INO80: variants seen among roughly 807,000 people sequenced by gnomAD.
INO80 encodes the protein INO80 complex ATPase subunit.
Under a neutral mutation model 203.4 loss-of-function variants are expected in INO80, and 20 were observed. That is an observed-to-expected ratio of 0.10 (90% CI 0.07 to 0.14). The LOEUF (loss-of-function observed/expected upper bound fraction) is 0.14. Among genes scored for constraint, INO80 ranks in the 10% least tolerant of loss-of-function variants. INO80 has a pLI of 1.00. For missense variants in INO80, 1,419 were observed against 1,914.4 expected (o/e 0.74, Z 4.83); for synonymous variants, 726 against 685.2 (o/e 1.06, Z -0.93).
At chr15:40,982,083 T>A in intron 35 of INO80, among the ~76,000 whole-genome samples, 1 of 152,234 alleles carries the variant, frequency 6.6e-6, no homozygotes, top group East Asian at 1.9e-4. Context: ...GAGTACTGCA[T>A]GCATGGCTTC....
chr15:41,115,391 C>A (rs1378649935), intron 1 of INO80, among the ~76,000 whole-genome samples: 1 of 152,174 alleles, frequency 6.6e-6, no homozygotes, highest in African/African-American at 2.4e-5. Flanking sequence ...TATGTAAAAA[C>A]CTAAAAAACC....
intron 1 of INO80, among the ~76,000 whole-genome samples, chr15:41,108,248 T>C (rs1463234403): frequency 1.3e-5 from 2 of 151,882 alleles, no homozygotes; most frequent in Admixed American, 1.3e-4. Context: ...GGAAACAGCA[T>C]GGTAAGAAAG....
intron 15 of INO80, 91 bp from the exon 16 acceptor site, chr15:41,058,872 G>T: frequency 1.7e-6 from 2 of 1,201,020 alleles, no homozygotes; most frequent in Non-Finnish European, 2.4e-6. Flanking sequence ...GGGCCAAAAT[G>T]TTTAAGACAG....
At chr15:41,090,293 G>C (rs1414116114) in intron 5 of INO80, among the ~76,000 whole-genome samples, 1 of 152,034 alleles carries the variant, frequency 6.6e-6, no homozygotes, top group Non-Finnish European at 1.5e-5. Context: ...AGAGCAGATT[G>C]GGCTGGGGAT....
intron 24 of INO80, among the ~76,000 whole-genome samples, chr15:41,034,360 G>A (rs1482083040): frequency 6.6e-6 from 1 of 152,102 alleles, no homozygotes; most frequent in Non-Finnish European, 1.5e-5. Flanking sequence ...AGAAGGGGAG[G>A]ACTGGGTTAG....
rs2045370892 is a variant in INO80, at chr15:41,074,419, T to C, written c.1278A>G (p.Gln426=). ...CTACCACTCCTCCACCTATATCGAT[T>C]TGTCTCTGGGTAGAACTGTCTTCCA... ...RKLEDSSTQR[Q]IDIGGGVVVN... is the part of the protein sequence containing the mutation. Residue 426 remains glutamine (Q), a synonymous_variant, in exon 10 of 36, where the codon CAA becomes CAG. Coordinates refer to ENST00000648947, the MANE Select transcript of INO80 (RefSeq NM_017553.3). The C allele has an allele frequency of 1.9e-6, 3 of 1,613,834 alleles. No homozygotes were observed. The highest frequency in any genetic ancestry group is 1.7e-5 in the Admixed American group (1 of 59,980).
intron 24 of INO80, among the ~76,000 whole-genome samples, chr15:41,031,490 AG>A: frequency 1.1e-5 from 1 of 94,488 alleles, no homozygotes; most frequent in Non-Finnish European, 2.1e-5. Context: ...GGAGAGAGGG[AG>A]GGGAGGAAGG....
intron 7 of INO80, 152 bp from the exon 8 acceptor site, chr15:41,081,225 C>T: frequency 3.5e-6 from 2 of 576,758 alleles, no homozygotes; most frequent in Non-Finnish European, 6.1e-6. Context: ...GATGTATTGT[C>T]TCAACGCCAT....
intron 9 of INO80, among the ~76,000 whole-genome samples, chr15:41,075,461 C>T (rs934965750): frequency 1.3e-5 from 2 of 150,748 alleles, no homozygotes; most frequent in Admixed American, 6.6e-5. Flanking sequence ...TTTTTGGCGG[C>T]GGGGGAGGCG....
At chr15:41,030,867 T>G (rs912795303) in intron 24 of INO80, among the ~76,000 whole-genome samples, 1 of 151,774 alleles carries the variant, frequency 6.6e-6, no homozygotes, top group African/African-American at 2.4e-5. Context: ...AGATGGGGTT[T>G]CACCATATTG....
intron 25 of INO80, among the ~76,000 whole-genome samples, chr15:41,027,285 G>A (rs1035598887): frequency 2.6e-5 from 4 of 152,050 alleles, no homozygotes; most frequent in South Asian, 2.1e-4. Context: ...CCCTCGCCCC[G>A]ACCCTGCTAT....
intron 19 of INO80, among the ~76,000 whole-genome samples, chr15:41,052,366 T>C (rs1305812832): frequency 1.3e-5 from 2 of 152,014 alleles, no homozygotes; most frequent in Admixed American, 6.6e-5. Flanking sequence ...TTGAAGAGGA[T>C]ATATATACAA....
intron 14 of INO80, among the ~76,000 whole-genome samples, chr15:41,066,846 C>CAAAAAAAAA (rs58118605): frequency 1.4e-5 from 1 of 70,620 alleles, no homozygotes; most frequent in Admixed American, 1.6e-4. Flanking sequence ...AAAAAAAAAG[C>CAAAAAAAAA]AAAAAAAAAA....
chr15:41,066,846 C>CAAAAAAAAAAAAAAAAAAAAAAAAAAAAA (rs58118605), intron 14 of INO80, among the ~76,000 whole-genome samples: 1 of 70,622 alleles, frequency 1.4e-5, no homozygotes, highest in African/African-American at 4.2e-5. Context: ...AAAAAAAAAG[C>CAAAAAAAAAAAAAAAAAAAAAAAAAAAAA]AAAAAAAAAA....
chr15:41,095,541 C>G, intron 4 of INO80, 60 bp downstream of exon 4: 2 of 1,167,454 alleles, frequency 1.7e-6, no homozygotes, highest in Non-Finnish European at 2.5e-6. Context: ...GATAACTTTC[C>G]CATCTATTAG....
chr15:41,061,314 A>G (rs1017761263), intron 14 of INO80, among the ~76,000 whole-genome samples: 4 of 151,224 alleles, frequency 2.6e-5, no homozygotes, highest in African/African-American at 9.7e-5. Context: ...AAATAAATAA[A>G]TAAAAGTTTA....
At chr15:41,106,532 G>A (rs1226277831) in intron 1 of INO80, among the ~76,000 whole-genome samples, 1 of 152,058 alleles carries the variant, frequency 6.6e-6, no homozygotes, top group East Asian at 1.9e-4. Flanking sequence ...CTATTTGGGA[G>A]GCTGAGGTGG....
At chr15:41,111,664 G>A (rs555670682) in intron 1 of INO80, among the ~76,000 whole-genome samples, 12 of 151,938 alleles carry the variant, frequency 7.9e-5, no homozygotes, top group Non-Finnish European at 1.3e-4. Context: ...TTAGCCGGGC[G>A]TGGTGGTGCA....
In INO80 at chr15:41,095,919, A is replaced by C. The variant is rs747370106; in HGVS notation, c.153T>G (p.Ser51Arg). The C allele has an allele frequency of 1.9e-6, 3 of 1,613,534 alleles. No homozygotes were observed. Among genetic ancestry groups the C allele is most frequent in the Non-Finnish European group, 2.5e-6 (3 of 1,179,656 alleles). ...IFNRNISSDD[S>R]EDGLDDSNPL... Reference sequence around the variant, plus strand: ...GATTACTGTCATCCAGTCCATCTTCACTGTCATCACTATAAATTGAAGAAT... The same window carrying C: ...GATTACTGTCATCCAGTCCATCTTCCCTGTCATCACTATAAATTGAAGAAT... The change falls in exon 3 of 36, where the codon AGT becomes AGG. Residue 51 changes from serine (S) to arginine (R), a missense_variant. This residue lies in a region of INO80 where 323 missense variants were observed against 325.4 expected (regional missense o/e 0.99). Coordinates refer to ENST00000648947, the MANE Select transcript of INO80 (RefSeq NM_017553.3).
Sources: gnomAD v4.1 joint callset for allele counts (sites outside exome capture counted in the v4.1 genomes callset) on GRCh38, gnomAD v4.1.1 for gene constraint, gnomAD v4.1.1 regional missense constraint, MANE v1.5 for transcripts, NCBI Gene and HGNC (gene_info 2026-07-23, HGNC 2026-07-21) for gene names.